Variants in ETV6 observed in about 807,000 individuals in gnomAD.
ETV6 encodes the protein ETS variant transcription factor 6.
Under a neutral mutation model 51.1 loss-of-function variants are expected in ETV6, and 16 were observed. The ratio of observed to expected loss-of-function variants is 0.31; its 90% confidence interval spans 0.21 to 0.48. ETV6 has a LOEUF of 0.48. Ranked by LOEUF, ETV6 falls within the 20% of genes least tolerant of loss-of-function variation. ETV6 has a pLI of 0.99. For synonymous variants in ETV6, 240 were observed against 224.1 expected, an observed-to-expected ratio of 1.07 and a Z score of -0.64; for missense variants, 458 against 594.8, an observed-to-expected ratio of 0.77 and a Z score of 2.39.
At chr12:11,653,063 C>T (rs1404102314) in intron 1 of ETV6, among the ~76,000 whole-genome samples, 1 of 151,732 alleles carries the variant, frequency 6.6e-6, no homozygotes, top group Non-Finnish European at 1.5e-5. Flanking sequence ...GTCTGTCCTA[C>T]AACCCTTGAA....
rs143501237 is a variant in ETV6 at position 11,893,198 on chromosome 12, G to T, written c.*2152G>T. 2.8e-4 allele frequency: 65 copies of T among 232,730 alleles called. 1 individual carries two copies. The East Asian group carries it at 3.9e-3, about 14-fold the overall frequency. The allele number at this position is 232,730 out of a possible 1,614,324, so 14.4% of individuals were successfully genotyped here. ...GATTAAGCCAAATACCTGATGTATT[G>T]TGAAAGCCACTGATTTTAAGAATGG... On this transcript the variant is annotated 3_prime_UTR_variant, in exon 8 of 8. Coordinates refer to ENST00000396373, the MANE Select transcript of ETV6 (RefSeq NM_001987.5).
chr12:11,710,261 G>A (rs1865149535), intron 1 of ETV6, among the ~76,000 whole-genome samples: 1 of 151,738 alleles, frequency 6.6e-6, no homozygotes, highest in Admixed American at 6.6e-5. Context: ...TCCCTCCCCA[G>A]CATACATGCA....
At chr12:11,705,310 A>G (rs914539764) in intron 1 of ETV6, among the ~76,000 whole-genome samples, 1 of 152,206 alleles carries the variant, frequency 6.6e-6, no homozygotes, top group African/African-American at 2.4e-5. Context: ...AATTTTTTCT[A>G]CAATAGCCAA....
intron 2 of ETV6, among the ~76,000 whole-genome samples, chr12:11,789,854 T>G (rs1344729177): frequency 2.6e-5 from 4 of 152,136 alleles, no homozygotes; most frequent in South Asian, 2.1e-4. Context: ...CTGGAAGCAT[T>G]TTTTTATTCC....
chr12:11,766,275 A>G (rs1006510857), intron 2 of ETV6, among the ~76,000 whole-genome samples: 2 of 152,196 alleles, frequency 1.3e-5, no homozygotes, highest in Non-Finnish European at 2.9e-5. Context: ...AGTTGAAGCA[A>G]AGGAATTTCC....
rs375071685 is a variant in ETV6, at chr12:11,842,060, C to T, written c.328+2756C>T. 1.2e-4 allele frequency among the ~76,000 whole-genome samples: 16 copies of T among 134,538 alleles called. No individual in the cohort carries two copies. The East Asian group carries it at 2.8e-3, about 23-fold the overall frequency. The allele number at this position is 134,538 out of a possible 152,430, so 88.3% of individuals were successfully genotyped here. A position where few individuals can be genotyped will look rare whatever the true frequency, so the allele number is the denominator to read the frequency against. On this transcript the variant is annotated intron_variant, in intron 3 of 7. Transcript: ENST00000396373. ...TCCCGCCACTGCACTCCAGCCTGGG[C>T]GACAGAGCGAGACTCCGTCTCAAAA...
At chr12:11,674,093 G>C (rs1196216017) in intron 1 of ETV6, among the ~76,000 whole-genome samples, 1 of 152,128 alleles carries the variant, frequency 6.6e-6, no homozygotes, top group Non-Finnish European at 1.5e-5. Flanking sequence ...TTTACCTTGG[G>C]GACCAGCAGA....
chr12:11,657,000 G>T (rs1163204875), intron 1 of ETV6, among the ~76,000 whole-genome samples: 1 of 151,682 alleles, frequency 6.6e-6, no homozygotes, highest in Admixed American at 6.6e-5. Flanking sequence ...CTCCTGTCTC[G>T]ATGGCTTGAC....
chr12:11,727,810 ATT>A (rs201835834), intron 1 of ETV6, among the ~76,000 whole-genome samples: 3 of 151,432 alleles, frequency 2.0e-5, no homozygotes, highest in African/African-American at 7.3e-5. Context: ...CCTTTTTTAA[ATT>A]TTTTTTTATT....
chr12:11,681,725 C>A (rs1864534172), intron 1 of ETV6, among the ~76,000 whole-genome samples: 1 of 152,160 alleles, frequency 6.6e-6, no homozygotes, highest in South Asian at 2.1e-4. Context: ...TCTCTCCTAG[C>A]CCCCACCCAC....
chr12:11,682,132 G>A (rs1370610951), intron 1 of ETV6, among the ~76,000 whole-genome samples: 1 of 152,128 alleles, frequency 6.6e-6, no homozygotes, highest in Admixed American at 6.5e-5. Context: ...CTAGATCCTT[G>A]AGGAATCGCC....
intron 4 of ETV6, among the ~76,000 whole-genome samples, chr12:11,856,474 G>A (rs1946634636): frequency 6.6e-6 from 1 of 152,202 alleles, no homozygotes; most frequent in African/African-American, 2.4e-5. Context: ...GTGAACAGGT[G>A]CACACAACAA....
intron 2 of ETV6, among the ~76,000 whole-genome samples, chr12:11,778,750 C>T (rs1945371075): frequency 6.6e-6 from 1 of 152,160 alleles, no homozygotes; most frequent in Non-Finnish European, 1.5e-5. Flanking sequence ...GTTATGTACA[C>T]TGGGCTTGTA....
At chr12:11,744,919 AAAG>A (rs199638063) in intron 1 of ETV6, among the ~76,000 whole-genome samples, 130 of 140,530 alleles carry the variant, frequency 9.3e-4, no homozygotes, top group South Asian at 5.4e-3. Context: ...GAAAAAAAAA[AAAG>A]AGAGAATTTC....
At chr12:11,890,046 C>T (rs1947262978) in intron 7 of ETV6, among the ~76,000 whole-genome samples, 1 of 152,044 alleles carries the variant, frequency 6.6e-6, no homozygotes, top group South Asian at 2.1e-4. Context: ...TTGCTGTACA[C>T]CCCAGTTGCA....
intron 1 of ETV6, among the ~76,000 whole-genome samples, chr12:11,696,803 A>G (rs1448778205): frequency 2.0e-5 from 3 of 152,180 alleles, no homozygotes; most frequent in African/African-American, 7.2e-5. Flanking sequence ...GCAACAGAGT[A>G]TAAGACTCTG....
At chr12:11,882,757 A>G (rs1041329335) in intron 5 of ETV6, among the ~76,000 whole-genome samples, 3 of 117,676 alleles carry the variant, frequency 2.5e-5, no homozygotes, top group Non-Finnish European at 4.1e-5. Context: ...GGGTGGCCCA[A>G]CTGAATTCCC....
chr12:11,827,117 C>T (rs1946167535), intron 2 of ETV6, among the ~76,000 whole-genome samples: 1 of 141,798 alleles, frequency 7.1e-6, no homozygotes, highest in Non-Finnish European at 1.5e-5. Context: ...CACACAAATG[C>T]AACACAATTA....
At chr12:11,766,201 T>C (rs1487400656) in intron 2 of ETV6, among the ~76,000 whole-genome samples, 1 of 152,212 alleles carries the variant, frequency 6.6e-6, no homozygotes, top group East Asian at 1.9e-4. Flanking sequence ...CAAAGTTTCT[T>C]GAAGCAGCTC....
Sources: gnomAD v4.1 joint callset for allele counts (sites outside exome capture counted in the v4.1 genomes callset) on GRCh38, gnomAD v4.1.1 for gene constraint, MANE v1.5 for transcripts, NCBI Gene and HGNC (gene_info 2026-07-23, HGNC 2026-07-21) for gene names.